The following ZNF536 variants were observed in gnomAD, a reference collection of about 807,000 sequenced individuals.
ZNF536 encodes zinc finger protein 536.
ZNF536 carries 13 observed loss-of-function variants against 84.5 expected under a neutral mutation model. The ratio of observed to expected loss-of-function variants is 0.15; its 90% CI spans 0.10 to 0.24. ZNF536 has a LOEUF of 0.24. Ranked by LOEUF, ZNF536 falls within the 10% of genes least tolerant of loss-of-function variation. The probability of loss-of-function intolerance (pLI) is 1.00; values close to 1 mark genes in which losing one functional copy is unlikely to be tolerated. For synonymous variants in ZNF536, 811 were observed against 742.5 expected (o/e 1.09, Z -1.50); for missense variants, 1,536 against 1,747.5 (o/e 0.88, Z 2.16).
At chr19:30,340,706 AT>A in intron 2 of ZNF536, among the ~76,000 whole-genome samples, 1 of 152,160 alleles carries the variant, frequency 6.6e-6, no homozygotes, top group Admixed American at 6.5e-5. Context: ...TTAGTATGCA[AT>A]TTGCTGTCTA....
rs78992786 is a variant in ZNF536, at chr19:30,639,898, C to G, written c.170-70859C>G. ...GCTCCTTCCTTTTTAGAATCTTGAC[C>G]TGTCAAGTCTTGGCTCCTTTGATAA... On this transcript the variant is annotated intron_variant, in intron 1 of 1. Coordinates refer to the ZNF536 transcript ENST00000592773. Among the ~76,000 whole-genome samples, 110 of 152,278 alleles carry G rather than the reference C, an allele frequency of 7.2e-4. 1 individual carries two copies. The East Asian group carries it at 0.016, about 22-fold the overall frequency.
chr19:30,332,951 A>G (rs540467663), intron 2 of ZNF536, among the ~76,000 whole-genome samples: 21 of 152,202 alleles, frequency 1.4e-4, no homozygotes, highest in African/African-American at 5.1e-4. Flanking sequence ...GCATGGTGGC[A>G]TGCACCTGTG....
At chr19:30,678,336 G>A (rs1273752483) in intron 1 of ZNF536, among the ~76,000 whole-genome samples, 5 of 152,124 alleles carry the variant, frequency 3.3e-5, no homozygotes, top group Non-Finnish European at 1.5e-5. Flanking sequence ...AGAGGCTCAC[G>A]GCCTTTCTGG....
At chr19:30,342,897 C>A (rs547374719) in intron 2 of ZNF536, among the ~76,000 whole-genome samples, 1 of 152,188 alleles carries the variant, frequency 6.6e-6, no homozygotes, top group African/African-American at 2.4e-5. Flanking sequence ...CTAATAAAGG[C>A]GGTAGAGAGG....
At chr19:30,546,239 G>A (rs920137849) in intron 3 of ZNF536, among the ~76,000 whole-genome samples, 2 of 152,312 alleles carry the variant, frequency 1.3e-5, no homozygotes, top group Middle Eastern at 3.4e-3. Flanking sequence ...CCAAGAAGGG[G>A]GAAATTACTG....
chr19:30,283,170 T>C (rs2045509819), intron 1 of ZNF536, among the ~76,000 whole-genome samples: 1 of 152,208 alleles, frequency 6.6e-6, no homozygotes, highest in South Asian at 2.1e-4. Context: ...GTGATCAGAA[T>C]TTACAACTTC....
intron 1 of ZNF536, among the ~76,000 whole-genome samples, chr19:30,614,098 A>G (rs1188845939): frequency 1.3e-5 from 2 of 152,156 alleles, no homozygotes; most frequent in African/African-American, 4.8e-5. Flanking sequence ...CCTGACCTCC[A>G]GTAATCTGCC....
At chr19:30,691,796 GC>G (rs2051421398) in intron 1 of ZNF536, among the ~76,000 whole-genome samples, 1 of 152,222 alleles carries the variant, frequency 6.6e-6, no homozygotes, top group Non-Finnish European at 1.5e-5. Flanking sequence ...CAGTTACGAG[GC>G]AGATGTGTTT....
intron 2 of ZNF536, among the ~76,000 whole-genome samples, chr19:30,294,802 T>A (rs1260902963): frequency 6.6e-6 from 1 of 152,142 alleles, no homozygotes; most frequent in Non-Finnish European, 1.5e-5. Flanking sequence ...CTCCCTCTAC[T>A]CCTACAGGGA....
intron 2 of ZNF536, among the ~76,000 whole-genome samples, chr19:30,312,457 C>T (rs1051467260): frequency 9.9e-5 from 15 of 152,224 alleles, no homozygotes; most frequent in African/African-American, 3.4e-4. Context: ...TCCAAAGCAA[C>T]TTCCAAAAAC....
intron 1 of ZNF536, among the ~76,000 whole-genome samples, chr19:30,409,004 GTCCATCCATCCA>G (rs370424061): frequency 1.5e-5 from 2 of 134,094 alleles, no homozygotes; most frequent in Admixed American, 7.4e-5. Flanking sequence ...TCATCCATTG[GTCCATCCATCCA>G]TCCATCCATC....
At chr19:30,661,505 G>T (rs933352988) in intron 1 of ZNF536, among the ~76,000 whole-genome samples, 1 of 152,056 alleles carries the variant, frequency 6.6e-6, no homozygotes, top group Non-Finnish European at 1.5e-5. Flanking sequence ...TTTTGGGGGG[G>T]CCAAATAAAA....
At chr19:30,488,585 G>T (rs2903444) in intron 2 of ZNF536, among the ~76,000 whole-genome samples, 2,209 of 150,558 alleles carry the variant, frequency 0.015, 43 homozygotes, top group African/African-American at 0.051. Context: ...AAACAACCCT[G>T]AGAGTCTCAA....
At chr19:30,579,409 C>A (rs2046845028) in intron 1 of ZNF536, among the ~76,000 whole-genome samples, 1 of 152,188 alleles carries the variant, frequency 6.6e-6, no homozygotes. Flanking sequence ...GTGGCTAGGT[C>A]AGCTGGAGGA....
At chr19:30,501,780 A>G (rs2054959072) in intron 2 of ZNF536, among the ~76,000 whole-genome samples, 2 of 152,214 alleles carry the variant, frequency 1.3e-5, no homozygotes, top group Non-Finnish European at 2.9e-5. Context: ...ATTTGATCTC[A>G]GGTCCTTAAC....
rs149191150 is a variant in ZNF536 at position 30,544,552 on chromosome 19, C to T, written c.2324-3391C>T. Among the ~76,000 whole-genome samples the T allele has an allele frequency of 3.4e-3, 524 of 152,144 alleles. 3 individuals carry two copies. Among genetic ancestry groups the T allele is most frequent in the Admixed American group, 8.9e-3 (136 of 15,294 alleles). On this transcript the variant is annotated intron_variant, in intron 3 of 4. Transcript: ENST00000355537. ...CATGCTGTGTGTGAGTGTGAGAGTG[C>T]GTGTGCGTGAACTCTGCTAGCCTGC...
chr19:30,628,273 T>A (rs1304161942), intron 1 of ZNF536, among the ~76,000 whole-genome samples: 1 of 152,196 alleles, frequency 6.6e-6, no homozygotes, highest in African/African-American at 2.4e-5. Flanking sequence ...CCTGCTACGA[T>A]GCTGGCCCCG....
At chr19:30,559,849 A>G (rs2046097516), downstream of ZNF536, among the ~76,000 whole-genome samples, 1 of 152,096 alleles carries the variant, frequency 6.6e-6, no homozygotes, top group Non-Finnish European at 1.5e-5. Flanking sequence ...CGGGATCTCC[A>G]AGCTGGAAGA....
In ZNF536 at chr19:30,397,932, G is replaced by A. The variant is rs2049887964; in HGVS notation, c.-3+25376G>A. ...GAGCTCACAAAACAGACCAGGTCTA[G>A]GATGTTAGAAAGTACAAACAGAAAA... is the stretch of plus-strand genomic sequence containing the variant. On this transcript the variant is annotated intron_variant, in intron 1 of 4. Coordinates refer to ENST00000355537, the MANE Select transcript of ZNF536 (RefSeq NM_014717.3). 2.6e-5 allele frequency among the ~76,000 whole-genome samples: 4 copies of A among 152,320 alleles called. No individual in the cohort carries two copies. The South Asian group carries it at 6.2e-4, about 24-fold the overall frequency.
Sources: gnomAD v4.1 joint callset for allele counts (sites outside exome capture counted in the v4.1 genomes callset) on GRCh38, gnomAD v4.1.1 for gene constraint, MANE v1.5 for transcripts, NCBI Gene and HGNC (gene_info 2026-07-23, HGNC 2026-07-21) for gene names.